The following PHAX variants were observed in gnomAD, a reference collection of about 807,000 sequenced individuals.
The protein encoded by PHAX is phosphorylated adaptor for RNA export.
In PHAX, 31 loss-of-function variants were observed where a neutral mutation model predicts 41.6. That is an observed-to-expected ratio of 0.75 (90% CI 0.56 to 1.01). PHAX has a LOEUF of 1.01. Among genes scored for constraint, PHAX ranks in the 50% least tolerant of loss-of-function variants. The probability of loss-of-function intolerance (pLI) is 0.00; values close to 1 mark genes in which losing one functional copy is unlikely to be tolerated. For missense variants in PHAX, 453 were observed against 472.9 expected (o/e 0.96, Z 0.39); for synonymous variants, 175 against 164.9 (o/e 1.06, Z -0.47).
chr5:126,624,890 T>G lies in PHAX; in HGVS notation c.*46T>G. On this transcript the variant is annotated 3_prime_UTR_variant, in exon 5 of 5. Coordinates refer to ENST00000297540, the MANE Select transcript of PHAX (RefSeq NM_032177.4). ...GGACTAAGCCTTTCTAAAATAACAT[T>G]GTAATAAACCATTTTTACTGAGATT... 3 of 1,527,340 alleles carry G rather than the reference T, an allele frequency of 2.0e-6. No individual in the cohort carries two copies. Among genetic ancestry groups the G allele is most frequent in the Non-Finnish European group, 2.6e-6 (3 of 1,134,052 alleles). 94.6% of individuals were successfully genotyped at this position (1,527,340 alleles called of 1,614,324 possible).
At chr5:126,612,319 G>A (rs934985615) in intron 3 of PHAX, among the ~76,000 whole-genome samples, 2 of 152,170 alleles carry the variant, frequency 1.3e-5, no homozygotes, top group African/African-American at 4.8e-5. Flanking sequence ...ATTGGGCCAG[G>A]TCTAGTGGGA....
chr5:126,623,125 C>CA (rs935692748), intron 4 of PHAX, among the ~76,000 whole-genome samples: 61 of 137,532 alleles, frequency 4.4e-4, no homozygotes, highest in Middle Eastern at 3.7e-3. Context: ...GACTCTGTCT[C>CA]AAAAAAAAAA....
chr5:126,607,434 C>A (rs989538140), intron 2 of PHAX, among the ~76,000 whole-genome samples: 1 of 117,178 alleles, frequency 8.5e-6, no homozygotes, highest in African/African-American at 3.5e-5. Flanking sequence ...GTTTCACTCT[C>A]GTTGCCCAGG....
intron 1 of PHAX, among the ~76,000 whole-genome samples, chr5:126,601,632 C>T (rs186094773): frequency 6.6e-6 from 1 of 152,256 alleles, no homozygotes; most frequent in Non-Finnish European, 1.5e-5. Context: ...CTTTGTCATG[C>T]GGTACCATGG....
chr5:126,620,294 T>C (rs1378488252), intron 4 of PHAX, among the ~76,000 whole-genome samples: 2 of 152,224 alleles, frequency 1.3e-5, no homozygotes, highest in Non-Finnish European at 2.9e-5. Context: ...ACTCTAATGT[T>C]CTCTCCTCTC....
rs1319944626 is a variant in PHAX, at chr5:126,625,977, G to C, written c.*1133G>C. On this transcript the variant is annotated 3_prime_UTR_variant, in exon 5 of 5. Transcript: ENST00000297540. Reference sequence around the variant, plus strand: ...CCCAAAGTGCTGGGATCACAGGCATGAGCCACCGAACCCAGCCTTATTCTG... The same window carrying C: ...CCCAAAGTGCTGGGATCACAGGCATCAGCCACCGAACCCAGCCTTATTCTG... 1 of 152,196 alleles carries C rather than the reference G, an allele frequency of 6.6e-6. No individual in the cohort carries two copies. The highest frequency in any genetic ancestry group is 1.5e-5 in the Non-Finnish European group (1 of 68,074). 9.4% of individuals were successfully genotyped at this position (152,196 alleles called of 1,614,324 possible).
intron 3 of PHAX, among the ~76,000 whole-genome samples, chr5:126,615,508 CTTTTT>C (rs35158448): frequency 9.0e-6 from 1 of 111,528 alleles, no homozygotes. Context: ...ACATTCTGTG[CTTTTT>C]TTTTTTTTTT....
At chr5:126,602,315 G>A (rs530830586) in intron 1 of PHAX, among the ~76,000 whole-genome samples, 1 of 152,370 alleles carries the variant, frequency 6.6e-6, no homozygotes, top group East Asian at 1.9e-4. Flanking sequence ...CTTTGAGAGG[G>A]CGTTGGTGCC....
intron 2 of PHAX, among the ~76,000 whole-genome samples, chr5:126,607,522 G>A (rs1581417182): frequency 6.7e-6 from 1 of 149,374 alleles, no homozygotes; most frequent in African/African-American, 2.5e-5. Context: ...TCCTGCCTCA[G>A]CCTCCCAAGT....
At chr5:126,606,051 T>C (rs915867448) in intron 2 of PHAX, among the ~76,000 whole-genome samples, 1 of 152,230 alleles carries the variant, frequency 6.6e-6, no homozygotes, top group Non-Finnish European at 1.5e-5. Context: ...TAATCTACTT[T>C]CTGTCTATAA....
At chr5:126,616,178 C>T (rs573061460) in intron 3 of PHAX, among the ~76,000 whole-genome samples, 2 of 152,082 alleles carry the variant, frequency 1.3e-5, no homozygotes, top group East Asian at 3.9e-4. Context: ...CTGCAACCTC[C>T]ACCTCCTGGG....
intron 2 of PHAX, among the ~76,000 whole-genome samples, 180 bp from the exon 3 acceptor site, chr5:126,608,184 T>A (rs1208941318): frequency 6.6e-6 from 1 of 152,184 alleles, no homozygotes; most frequent in Non-Finnish European, 1.5e-5. Context: ...GAGGTTACCA[T>A]CTCCTTCTGT....
chr5:126,606,347 TAC>T (rs1751987271), intron 2 of PHAX, among the ~76,000 whole-genome samples: 1 of 151,870 alleles, frequency 6.6e-6, no homozygotes, highest in Non-Finnish European at 1.5e-5. Context: ...AGCCATGTGC[TAC>T]AACGCCCAGC....
At chr5:126,605,112 A>G (rs1751969131) in intron 2 of PHAX, among the ~76,000 whole-genome samples, 1 of 150,640 alleles carries the variant, frequency 6.6e-6, no homozygotes, top group African/African-American at 2.4e-5. Flanking sequence ...GTCCTCCCAC[A>G]TTGGCCTCCC....
intron 3 of PHAX, among the ~76,000 whole-genome samples, chr5:126,616,419 C>A (rs1233743023): frequency 6.6e-6 from 1 of 152,132 alleles, no homozygotes; most frequent in African/African-American, 2.4e-5. Context: ...TTGAATAATA[C>A]ATTTATCTTC....
rs1413751352 is a variant in PHAX, at chr5:126,626,123, C to G, written c.*1279C>G. The G allele has an allele frequency of 6.7e-6, 1 of 148,378 alleles. No homozygotes were observed. Among genetic ancestry groups the G allele is most frequent in the Non-Finnish European group, 1.5e-5 (1 of 67,840 alleles). The allele number at this position is 148,378 out of a possible 1,614,324, so 9.2% of individuals were successfully genotyped here. On this transcript the variant is annotated 3_prime_UTR_variant, in exon 5 of 5. Coordinates refer to ENST00000297540, the MANE Select transcript of PHAX (RefSeq NM_032177.4). ...AGCTGGGCCTAGTGGCGCACACCTG[C>G]AATCCCAACACTTTGGGAGGCCAAG... is the stretch of plus-strand genomic sequence containing the variant.
rs57270218 is a variant in PHAX at position 126,604,274 on chromosome 5, C to CTTTTTTTTTTTTTTTTTTTT, written c.710+110_710+111insTTTTTTTTTTTTTTTTTTTT. On this transcript the variant is annotated intron_variant, in intron 2 of 4. Transcript: ENST00000297540. Reference sequence around the variant, plus strand: ...TGCCAAATACTTTAATGATATGTTCCTTTTTTTTTTTTTTTTTTTGGAGAC... The same window carrying CTTTTTTTTTTTTTTTTTTTT: ...TGCCAAATACTTTAATGATATGTTCCTTTTTTTTTTTTTTTTTTTTTTTTTTTTTTTTTTTTTTTGGAGAC... 57 of 645,840 alleles carry CTTTTTTTTTTTTTTTTTTTT rather than the reference C, an allele frequency of 8.8e-5. 2 individuals carry two copies. The African/African-American group carries it at 1.5e-3, about 17-fold the overall frequency. The allele number at this position is 645,840 out of a possible 1,614,324, so 40.0% of individuals were successfully genotyped here. A position where few individuals can be genotyped will look rare whatever the true frequency, so the allele number is the denominator to read the frequency against.
intron 2 of PHAX, among the ~76,000 whole-genome samples, chr5:126,604,569 A>G (rs1368886033): frequency 2.6e-5 from 4 of 151,220 alleles, no homozygotes; most frequent in African/African-American, 9.7e-5. Context: ...GGCCTAATCT[A>G]TTTATTTATT....
In PHAX at chr5:126,604,181, C is replaced by T. The variant is rs769913368; in HGVS notation, c.708C>T (p.Phe236=). The part of the protein sequence containing the change: ...SQEKVADEIS[F]RLQEPKKDLI... Reference sequence around the variant, plus strand: ...AGAAAGTGGCTGATGAAATTTCATTCAGGTGAGCATTTGAATTACAAATAA... The same window carrying T: ...AGAAAGTGGCTGATGAAATTTCATTTAGGTGAGCATTTGAATTACAAATAA... The change falls in exon 2 of 5, where the codon TTC becomes TTT. Residue 236 remains phenylalanine, a splice_region_variant and synonymous_variant. Transcript: ENST00000297540. 4 of 1,523,100 alleles carry T rather than the reference C, an allele frequency of 2.6e-6. No individual in the cohort carries two copies. Among genetic ancestry groups the T allele is most frequent in the Non-Finnish European group, 3.5e-6 (4 of 1,138,516 alleles). 94.3% of individuals were successfully genotyped at this position (1,523,100 alleles called of 1,614,324 possible). A position where few individuals can be genotyped will look rare whatever the true frequency, so the allele number is the denominator to read the frequency against.
Sources: allele counts gnomAD v4.1 joint callset (sites outside exome capture counted in the v4.1 genomes callset), GRCh38; gene constraint gnomAD v4.1.1; transcripts MANE v1.5; gene names NCBI Gene and HGNC (gene_info 2026-07-23, HGNC 2026-07-21).